The following CDC73 variants were observed in gnomAD, a reference collection of about 807,000 sequenced individuals.
The protein encoded by CDC73 is cell division cycle 73.
Under a neutral mutation model 83.7 loss-of-function variants are expected in CDC73, and 21 were observed. The ratio of observed to expected loss-of-function variants is 0.25; its 90% CI spans 0.18 to 0.36. The LOEUF (loss-of-function observed/expected upper bound fraction) is 0.36, where lower values mean the gene tolerates loss of function less well. Ranked by LOEUF, CDC73 falls within the 10% of genes least tolerant of loss-of-function variation. The pLI is 1.00. For synonymous variants in CDC73, 224 were observed against 212.9 expected (o/e 1.05, Z -0.45); for missense variants, 342 against 653.3 (o/e 0.52, Z 5.19).
At chr1:193,225,897 T>A (rs1057451529) in intron 13 of CDC73, among the ~76,000 whole-genome samples, 1 of 152,172 alleles carries the variant, frequency 6.6e-6, no homozygotes, top group African/African-American at 2.4e-5. Flanking sequence ...GTGCAAAAGC[T>A]CTTTAGTTTA....
At chr1:193,171,152 T>C (rs1282113937) in intron 10 of CDC73, among the ~76,000 whole-genome samples, 1 of 152,228 alleles carries the variant, frequency 6.6e-6, no homozygotes, top group Non-Finnish European at 1.5e-5. Context: ...GTTGAGTCTG[T>C]GTCCCAGCTA....
chr1:193,193,082 C>G (rs1240578085), intron 10 of CDC73, among the ~76,000 whole-genome samples: 1 of 152,172 alleles, frequency 6.6e-6, no homozygotes, highest in African/African-American at 2.4e-5. Context: ...GACCAAGCCC[C>G]TACAGCAAAC....
At chr1:193,125,488 C>A (rs1441816461) in intron 2 of CDC73, among the ~76,000 whole-genome samples, 1 of 152,184 alleles carries the variant, frequency 6.6e-6, no homozygotes, top group African/African-American at 2.4e-5. Context: ...TCTTGAACTC[C>A]TACCCTCAGT....
rs777541949 is a variant in CDC73, at chr1:193,122,313, C to G, written c.113C>G (p.Thr38Ser). The change falls in exon 1 of 17, where the codon ACC (threonine) becomes AGC (serine). Residue 38 changes from threonine (T) to serine (S), a missense_variant. Coordinates refer to ENST00000367435, the MANE Select transcript of CDC73 (RefSeq NM_024529.5). ...TTCTCCTGGCCCAAGAATGTGAAGACCAACTATGTTGTTTGGGGGTAAGTC... is the reference window on the plus strand; with the variant it reads ...TTCTCCTGGCCCAAGAATGTGAAGAGCAACTATGTTGTTTGGGGGTAAGTC... ...GEFSWPKNVK[T>S]NYVVWGTGKE... is the part of the protein sequence containing the mutation. 2 of 1,614,174 alleles carry G rather than the reference C, an allele frequency of 1.2e-6. No individual in the cohort carries two copies. Among genetic ancestry groups the G allele is most frequent in the Non-Finnish European group, 1.7e-6 (2 of 1,180,006 alleles).
intron 10 of CDC73, among the ~76,000 whole-genome samples, chr1:193,175,574 C>T (rs1053839678): frequency 6.6e-5 from 10 of 152,166 alleles, no homozygotes; most frequent in African/African-American, 1.2e-4. Context: ...AAACCCAGAA[C>T]GCCTGTGCTG....
At chr1:193,204,182 T>TACAC (rs756369033) in intron 11 of CDC73, among the ~76,000 whole-genome samples, 12 of 142,584 alleles carry the variant, frequency 8.4e-5, no homozygotes, top group African/African-American at 2.8e-4. Flanking sequence ...TATATATATA[T>TACAC]ACACACACAC....
Position 193,243,867 on chromosome 1 carries a change from T to C in CDC73, c.1418-5863T>C, listed in dbSNP as rs182907075. ...TATTTTTCTGGGCACAAATTATTCA[T>C]TTTAAATGTTTATTAAGAATTGAAT... is the stretch of plus-strand genomic sequence containing the variant. On this transcript the variant is annotated intron_variant, in intron 15 of 16. Transcript: ENST00000367435. Among the ~76,000 whole-genome samples the C allele has an allele frequency of 3.3e-4, 51 of 152,326 alleles. No homozygotes were observed. The East Asian group carries it at 8.1e-3, about 24-fold the overall frequency.
chr1:193,205,976 TA>T (rs1384453101), intron 11 of CDC73, among the ~76,000 whole-genome samples: 3 of 152,106 alleles, frequency 2.0e-5, no homozygotes, highest in African/African-American at 7.2e-5. Flanking sequence ...TGGTATTATA[TA>T]AAAGGGGAAA....
intron 10 of CDC73, among the ~76,000 whole-genome samples, chr1:193,167,203 G>A (rs1192526166): frequency 1.3e-5 from 2 of 152,130 alleles, no homozygotes; most frequent in Non-Finnish European, 2.9e-5. Flanking sequence ...TCCACACATA[G>A]TTTTAACTAC....
chr1:193,212,538 G>C, intron 13 of CDC73, 61 bp downstream of exon 13: 2 of 1,099,002 alleles, frequency 1.8e-6, no homozygotes. Context: ...GAAAATAGTA[G>C]TTACTGAATC....
chr1:193,196,574 C>G (rs1002485351), intron 10 of CDC73, among the ~76,000 whole-genome samples: 1 of 152,102 alleles, frequency 6.6e-6, no homozygotes, highest in Non-Finnish European at 1.5e-5. Flanking sequence ...TAATATTTTT[C>G]TAGTCCCTGA....
chr1:193,168,498 A>G (rs961687710), intron 10 of CDC73, among the ~76,000 whole-genome samples: 1 of 151,626 alleles, frequency 6.6e-6, no homozygotes, highest in African/African-American at 2.4e-5. Context: ...AGAGTACCAC[A>G]TAAGGTTTCT....
intron 16 of CDC73, 77 bp from the exon 17 acceptor site, chr1:193,250,599 A>C (rs1166590669): frequency 6.8e-6 from 7 of 1,023,078 alleles, no homozygotes; most frequent in African/African-American, 1.6e-5. Context: ...AGAAATGTCA[A>C]CTTGTTTTTA....
chr1:193,180,844 G>C (rs1173992288), intron 10 of CDC73: 1 of 1,613,976 alleles, frequency 6.2e-7, no homozygotes, highest in Admixed American at 1.7e-5. Flanking sequence ...TGGACAGTAT[G>C]TTGCAACCCA....
intron 6 of CDC73, 79 bp from the exon 7 acceptor site, chr1:193,141,771 T>C: frequency 1.0e-6 from 1 of 964,324 alleles, no homozygotes; most frequent in Non-Finnish European, 1.6e-6. Flanking sequence ...TACCAGAAAT[T>C]TATAAATGTA....
chr1:193,225,469 T>A (rs1439478902), intron 13 of CDC73, among the ~76,000 whole-genome samples: 1 of 152,146 alleles, frequency 6.6e-6, no homozygotes, highest in African/African-American at 2.4e-5. Flanking sequence ...TTTAGTTTTT[T>A]AAGGAATCTC....
At chr1:193,180,684 AT>A in intron 10 of CDC73, 1 of 1,614,096 alleles carries the variant, frequency 6.2e-7, no homozygotes, top group Non-Finnish European at 8.5e-7. Context: ...ACCACTTGCT[AT>A]CTTTGTTTCG....
chr1:193,203,768 T>G (rs1383522777), intron 10 of CDC73, 27 bp from the exon 11 acceptor site: 41 of 1,564,316 alleles, frequency 2.6e-5, no homozygotes, highest in Non-Finnish European at 3.3e-5. Context: ...ACTTTGATCT[T>G]ATATATCAAT....
intron 10 of CDC73, among the ~76,000 whole-genome samples, chr1:193,176,359 G>T (rs531265361): frequency 6.6e-6 from 1 of 152,262 alleles, no homozygotes; most frequent in Admixed American, 6.5e-5. Context: ...TTGAGGCTTG[G>T]TCATGGATAC....
Sources: gnomAD v4.1 joint callset for allele counts (sites outside exome capture counted in the v4.1 genomes callset) on GRCh38, gnomAD v4.1.1 for gene constraint, MANE v1.5 for transcripts, NCBI Gene and HGNC (gene_info 2026-07-23, HGNC 2026-07-21) for gene names.